Variants in COG3 observed in about 807,000 individuals in gnomAD.
COG3 encodes the protein component of oligomeric golgi complex 3.
Under a neutral mutation model 114.1 loss-of-function variants are expected in COG3, and 32 were observed. The ratio of observed to expected loss-of-function variants is 0.28; its 90% CI spans 0.21 to 0.38. The LOEUF is 0.38. Among genes scored for constraint, COG3 ranks in the 10% least tolerant of loss-of-function variants. COG3 has a pLI of 1.00. For synonymous variants in COG3, 352 were observed against 365.7 expected (o/e 0.96, Z 0.43); for missense variants, 813 against 973.2 (o/e 0.84, Z 2.19).
chr13:45,482,466 C>T lies in COG3; in HGVS notation c.710C>T (p.Ser237Leu), dbSNP rs1461787650. 1.4e-6 allele frequency: 2 copies of T among 1,441,162 alleles called. No individual in the cohort carries two copies. The highest frequency in any genetic ancestry group is 9.6e-7 in the Non-Finnish European group (1 of 1,036,336). The allele number at this position is 1,441,162 out of a possible 1,614,324, so 89.3% of individuals were successfully genotyped here. A position where few individuals can be genotyped will look rare whatever the true frequency, so the allele number is the denominator to read the frequency against. ...AKLDDCITYI[S>L]SHPNFKDYPI... is the part of the protein sequence containing the mutation. ...TTAGATGATTGTATAACATATATCT[C>T]ATCTCATGTAAGTCAGAGTATTTTT... is the stretch of plus-strand genomic sequence containing the variant. The change falls in exon 6 of 23, where the codon TCA (serine) becomes TTA (leucine). Residue 237 changes from serine (S) to leucine (L), a missense_variant. Ser to Leu is a moderately radical substitution (Grantham distance 145). Around this residue, in one of 2 missense-constraint regions of COG3, gnomAD observed 424 missense variants for 430.6 expected, o/e 0.98. Transcript: ENST00000349995.
chr13:45,466,473 C>A (rs1210394208), intron 1 of COG3: 1 of 152,200 alleles, frequency 6.6e-6, no homozygotes, highest in East Asian at 1.9e-4. Context: ...TATGCTCAGC[C>A]ATCAAATAGG....
chr13:45,469,760 CTG>C (rs1363160157), intron 1 of COG3, among the ~76,000 whole-genome samples: 1 of 151,938 alleles, frequency 6.6e-6, no homozygotes, highest in Non-Finnish European at 1.5e-5. Flanking sequence ...CTGGTGAAAA[CTG>C]AGGGTGGGGG....
At chr13:45,489,793 T>A (rs1482544363) in intron 8 of COG3, among the ~76,000 whole-genome samples, 1 of 148,872 alleles carries the variant, frequency 6.7e-6, no homozygotes, top group Non-Finnish European at 1.5e-5. Flanking sequence ...TTGGTTAGAA[T>A]GTACTCCTAG....
At chr13:45,480,535 T>C (rs1886185678) in intron 4 of COG3, among the ~76,000 whole-genome samples, 1 of 152,168 alleles carries the variant, frequency 6.6e-6, no homozygotes, top group Non-Finnish European at 1.5e-5. Context: ...GTAGTGGCTA[T>C]GTTGGTTTGC....
At chr13:45,534,316 T>TTGA (rs1873408656) in intron 22 of COG3, among the ~76,000 whole-genome samples, 1 of 152,198 alleles carries the variant, frequency 6.6e-6, no homozygotes, top group Non-Finnish European at 1.5e-5. Flanking sequence ...TTTAAGTGAT[T>TTGA]TGATGGCCTA....
chr13:45,519,937 T>A (rs1024661892), intron 19 of COG3, among the ~76,000 whole-genome samples: 4 of 152,150 alleles, frequency 2.6e-5, no homozygotes, highest in Non-Finnish European at 5.9e-5. Flanking sequence ...CCTAATCATT[T>A]AAAAAAAATC....
intron 1 of COG3, among the ~76,000 whole-genome samples, chr13:45,466,009 A>C (rs1331191634): frequency 6.6e-6 from 1 of 152,086 alleles, no homozygotes; most frequent in Non-Finnish European, 1.5e-5. Context: ...GTTTAGGAGG[A>C]TTATTTTATA....
intron 16 of COG3, among the ~76,000 whole-genome samples, chr13:45,513,498 A>G (rs1364106810): frequency 1.1e-4 from 3 of 26,318 alleles, no homozygotes; most frequent in East Asian, 1.8e-3. Flanking sequence ...ATACATATAA[A>G]TTATATATAT....
chr13:45,511,619 G>A (rs1870873494), intron 15 of COG3, 146 bp from the exon 16 acceptor site: 1 of 614,876 alleles, frequency 1.6e-6, no homozygotes, highest in Non-Finnish European at 2.9e-6. Flanking sequence ...CATGGGAATA[G>A]GAAACCAGGA....
intron 13 of COG3, among the ~76,000 whole-genome samples, chr13:45,497,754 C>A (rs920859261): frequency 4.7e-5 from 7 of 150,406 alleles, no homozygotes; most frequent in Non-Finnish European, 1.5e-5. Context: ...CCATTGCACT[C>A]CAGCCTGGGT....
intron 13 of COG3, among the ~76,000 whole-genome samples, chr13:45,500,570 G>GT (rs1048464367): frequency 6.6e-6 from 1 of 152,142 alleles, no homozygotes; most frequent in African/African-American, 2.4e-5. Flanking sequence ...TTGTAAGATA[G>GT]TTTGAGATTT....
intron 19 of COG3, among the ~76,000 whole-genome samples, chr13:45,520,289 AAAAAAAT>A (rs1278340807): frequency 1.6e-5 from 2 of 126,530 alleles, no homozygotes; most frequent in Admixed American, 9.2e-5. Context: ...CTGTCTCAAA[AAAAAAAT>A]AAAAATAAAA....
At position 45,496,912 on chromosome 13, in the gene COG3, A is replaced by G. The variant is rs1013100938; in HGVS notation, c.1488+600A>G. On this transcript the variant is annotated intron_variant, in intron 13 of 22. Coordinates refer to ENST00000349995, the MANE Select transcript of COG3 (RefSeq NM_031431.4). ...ATGGTCTCAATCCCCTGACCTCGTG[A>G]TCCGCCCGCCTCGGCCTCCCAAGGT... is the stretch of plus-strand genomic sequence containing the variant. Among the ~76,000 whole-genome samples the G allele has an allele frequency of 1.9e-4, 29 of 152,078 alleles. 1 individual carries two copies. Among genetic ancestry groups the G allele is most frequent in the Non-Finnish European group, 4.4e-5 (3 of 68,026 alleles).
At chr13:45,525,498 G>GA (rs967971174) in intron 20 of COG3, among the ~76,000 whole-genome samples, 126 of 151,702 alleles carry the variant, frequency 8.3e-4, no homozygotes, top group African/African-American at 2.9e-3. Flanking sequence ...AGAGTATTGG[G>GA]AAAAAAAATT....
At chr13:45,503,145 A>G (rs1024264081) in intron 13 of COG3, 99 bp from the exon 14 acceptor site, 3 of 492,458 alleles carry the variant, frequency 6.1e-6, no homozygotes, top group Non-Finnish European at 1.1e-5. Context: ...TCCAAATGTC[A>G]AGTTGAAAAT....
At chr13:45,470,340 T>C (rs999832657) in intron 1 of COG3, among the ~76,000 whole-genome samples, 1 of 152,192 alleles carries the variant, frequency 6.6e-6, no homozygotes, top group African/African-American at 2.4e-5. Context: ...CTGACTCCCT[T>C]GAGTTTTGTG....
chr13:45,531,038 G>A (rs1873124008), intron 22 of COG3: 1 of 1,067,444 alleles, frequency 9.4e-7, no homozygotes, highest in South Asian at 4.2e-5. Flanking sequence ...TTAAGAGAAT[G>A]ACCTGTTTGT....
At chr13:45,512,721 G>A (rs932234113) in intron 16 of COG3, among the ~76,000 whole-genome samples, 2 of 151,852 alleles carry the variant, frequency 1.3e-5, no homozygotes, top group African/African-American at 4.8e-5. Flanking sequence ...TCAACCTCCT[G>A]AGGTGAAGCA....
intron 7 of COG3, among the ~76,000 whole-genome samples, chr13:45,484,338 C>A (rs1486450154): frequency 6.6e-6 from 1 of 152,016 alleles, no homozygotes; most frequent in African/African-American, 2.4e-5. Flanking sequence ...CTGCACCAAA[C>A]CTTTAGGAGT....
Sources: allele counts gnomAD v4.1 joint callset (sites outside exome capture counted in the v4.1 genomes callset), GRCh38; gene constraint gnomAD v4.1.1; regional missense constraint gnomAD v4.1.1; transcripts MANE v1.5; gene names NCBI Gene and HGNC (gene_info 2026-07-23, HGNC 2026-07-21).